Variants in CDK11A observed in about 807,000 individuals in gnomAD.
CDK11A encodes the protein cyclin-dependent kinase 11A.
Under a neutral mutation model 83.6 loss-of-function variants are expected in CDK11A, and 55 were observed. The ratio of observed to expected loss-of-function variants is 0.66; its 90% CI spans 0.53 to 0.82. The LOEUF (loss-of-function observed/expected upper bound fraction) is 0.82, where lower values mean the gene tolerates loss of function less well. Ranked by LOEUF, CDK11A falls within the 40% of genes least tolerant of loss-of-function variation. CDK11A has a pLI of 0.00. For synonymous variants in CDK11A, 247 were observed against 302.7 expected (o/e 0.82, Z 1.91); for missense variants, 564 against 810.1 (o/e 0.70, Z 3.69).
intron 6 of CDK11A, among the ~76,000 whole-genome samples, chr1:1,710,660 T>C (rs1391828343): frequency 6.6e-6 from 1 of 150,600 alleles, no homozygotes; most frequent in African/African-American, 2.4e-5. Context: ...CACCTGACGG[T>C]AGATGTCCCA....
chr1:1,721,619 T>C lies in CDK11A; in HGVS notation c.204A>G (p.Arg68=), dbSNP rs1464878077. ...ACCTGTCTTCCATTGAGTCTTCTCT[T>C]CTATACGGGGAGTTCCTTATTGTGA... is the stretch of plus-strand genomic sequence containing the variant. ...MEITIRNSPY[R]REDSMEDRGE... Residue 68 remains arginine (R), a synonymous_variant, in exon 3 of 20, where the codon AGA becomes AGG. Transcript: ENST00000404249. 2 of 1,607,526 alleles carry C rather than the reference T, an allele frequency of 1.2e-6. No individual in the cohort carries two copies. Among genetic ancestry groups the C allele is most frequent in the South Asian group, 1.1e-5 (1 of 90,698 alleles).
Position 1,703,622 on chromosome 1 carries a change from C to T in CDK11A, c.1914G>A (p.Glu638=), listed in dbSNP as rs1136980. Residue 638 remains glutamate (E), a splice_region_variant and synonymous_variant, in exon 18 of 20, where the codon GAG becomes GAA. Transcript: ENST00000404249. Reference sequence around the variant, plus strand: ...AGATTTTCTCACTGGGGGTCCCCAGCTCCTGAAAGACAGAGGTGCTTCAAC... The same window carrying T: ...AGATTTTCTCACTGGGGGTCCCCAGTTCCTGAAAGACAGAGGTGCTTCAAC... ...EIDQINKVFK[E]LGTPSEKIWP... is the part of the protein sequence containing the mutation. 1.9e-6 allele frequency: 3 copies of T among 1,595,150 alleles called. No individual in the cohort carries two copies. The highest frequency in any genetic ancestry group is 2.3e-5 in the South Asian group (2 of 88,578).
rs1644511232 is a variant in CDK11A at position 1,712,350 on chromosome 1, C to T, written c.539G>A (p.Arg180Gln). The change falls in exon 6 of 20, where the codon CGG becomes CAG. Residue 180 changes from arginine (R) to glutamine (Q), a missense_variant. Physicochemically the swap from Arg to Gln is conservative, Grantham distance 43. Transcript: ENST00000404249. ...ERKRERERKM[R>Q]EQQKEQREQK... The stretch of plus-strand genomic sequence containing the variant: ...CTCCCGCTGCTCCTTCTGCTGCTCC[C>T]GCATCTTGCGCTCCCGCTCCCGCTT... 7.6e-6 allele frequency: 12 copies of T among 1,584,792 alleles called. No homozygotes were observed. In the Admixed American group the frequency reaches 9.1e-5, roughly 12 times the overall value.
chr1:1,712,124 C>CT, intron 6 of CDK11A, 140 bp downstream of exon 6: 1 of 524,886 alleles, frequency 1.9e-6, no homozygotes, highest in East Asian at 3.1e-5. Context: ...GAGCAAAACT[C>CT]TGCCTCCAAA....
At chr1:1,717,049 C>G (rs1265145972) in intron 4 of CDK11A, among the ~76,000 whole-genome samples, 1 of 125,118 alleles carries the variant, frequency 8.0e-6, no homozygotes, top group African/African-American at 2.7e-5. Context: ...GGCCACTGCA[C>G]CCAGTCGAAT....
At chr1:1,717,561 G>A (rs1429228325) in intron 4 of CDK11A, among the ~76,000 whole-genome samples, 1 of 151,160 alleles carries the variant, frequency 6.6e-6, no homozygotes, top group East Asian at 1.9e-4. Flanking sequence ...AAACCCCAGA[G>A]GAAAAATGGA....
intron 1 of CDK11A, chr1:1,723,774 C>T (rs1276240350): frequency 1.5e-5 from 2 of 132,488 alleles, no homozygotes; most frequent in Admixed American, 1.6e-4. Flanking sequence ...TTCAGTCTTC[C>T]GTACAACCAG....
At chr1:1,713,560 CATG>C (rs1298460342) in intron 5 of CDK11A, among the ~76,000 whole-genome samples, 2 of 107,170 alleles carry the variant, frequency 1.9e-5, no homozygotes, top group Non-Finnish European at 4.3e-5. Context: ...CCATATGCCT[CATG>C]ATACTAGCTC....
rs80225745 is a variant in CDK11A at position 1,721,301 on chromosome 1, C to T, written c.227+295G>A. 8.6e-3 allele frequency among the ~76,000 whole-genome samples: 1,294 copies of T among 150,264 alleles called. 56 individuals carry two copies. The highest frequency in any genetic ancestry group is 0.031 in the African/African-American group (1,253 of 40,732). The stretch of plus-strand genomic sequence containing the variant: ...CCTTAATAGTTACAATAGCACACCC[C>T]GTCACGTAACCCTAGGGAAGAGTAA... On this transcript the variant is annotated intron_variant, in intron 3 of 19. Coordinates refer to ENST00000404249, the MANE Select transcript of CDK11A (RefSeq NM_024011.4).
At position 1,707,554 on chromosome 1, in the gene CDK11A, C is replaced by A. The variant is rs1353328925; in HGVS notation, c.1100G>T (p.Gly367Val). 6.3e-7 allele frequency: 1 copy of A among 1,592,770 alleles called. No individual in the cohort carries two copies. Among genetic ancestry groups the A allele is most frequent in the South Asian group, 1.1e-5 (1 of 89,608 alleles). ...TTCTTCCTCTGCTTCTTCACTCTCC[C>A]CGGAATCTCGGTCGAACCGTGACTC... is the stretch of plus-strand genomic sequence containing the variant. ...VPESRFDRDS[G>V]ESEEAEEEVG... is the part of the protein sequence containing the mutation. Residue 367 changes from glycine to valine, a missense_variant, in exon 11 of 20, where the codon GGG becomes GTG. Transcript: ENST00000404249.
chr1:1,720,071 A>G (rs1316514770), intron 3 of CDK11A, among the ~76,000 whole-genome samples: 2 of 150,474 alleles, frequency 1.3e-5, no homozygotes, highest in Admixed American at 6.7e-5. Flanking sequence ...ATCACATCTT[A>G]TTTATTTAAT....
rs374107288 is a variant in CDK11A, at chr1:1,704,162, G to C, written c.1687-16C>G. On this transcript the variant is annotated splice_polypyrimidine_tract_variant and intron_variant, in intron 15 of 19. Transcript: ENST00000404249. The stretch of plus-strand genomic sequence containing the variant: ...AATCACCCACCTGCAACGACAGATG[G>C]GCGGCTGTGGGTGGGCCTGGGCGGG... The C allele has an allele frequency of 6.2e-7, 1 of 1,607,166 alleles. No individual in the cohort carries two copies. The highest frequency in any genetic ancestry group is 1.7e-5 in the Admixed American group (1 of 59,742).
In CDK11A at chr1:1,703,637, G is replaced by A; in HGVS notation, c.1912-13C>T. ...GGGTCCCCAGCTCCTGAAAGACAGA[G>A]GTGCTTCAACAGCCACACCAAGTGG... is the stretch of plus-strand genomic sequence containing the variant. On this transcript the variant is annotated splice_polypyrimidine_tract_variant and intron_variant, in intron 17 of 19. Transcript: ENST00000404249. 1.9e-6 allele frequency: 3 copies of A among 1,590,982 alleles called. 1 individual carries two copies. Among genetic ancestry groups the A allele is most frequent in the Non-Finnish European group, 2.6e-6 (3 of 1,169,896 alleles).
Position 1,717,614 on chromosome 1 carries a change from TA to T in CDK11A, c.356-1137del, listed in dbSNP as rs1644717275. Among the ~76,000 whole-genome samples, 5 of 41,744 alleles carry T rather than the reference TA, an allele frequency of 1.2e-4. No individual in the cohort carries two copies. In the Admixed American group the frequency reaches 1.7e-3, roughly 14 times the overall value. 27.4% of individuals were successfully genotyped at this position (41,744 alleles called of 152,430 possible). On this transcript the variant is annotated intron_variant, in intron 4 of 19. Transcript: ENST00000404249. ...TCTGTGACACACGCACGCTTTCAGC[TA>T]GAGTTTGCTCTCTCTGGTTTTCGGT...
chr1:1,718,863 C>T lies in CDK11A; in HGVS notation c.355+465G>A, dbSNP rs548550005. 9.3e-5 allele frequency among the ~76,000 whole-genome samples: 14 copies of T among 150,918 alleles called. No homozygotes were observed. In the South Asian group the frequency reaches 2.9e-3, roughly 32 times the overall value. ...GTGTTAGCCAGGATGGTCTTGATCT[C>T]CTGACCTTGTGATCCACCCGCCTCA... On this transcript the variant is annotated intron_variant, in intron 4 of 19. Coordinates refer to ENST00000404249, the MANE Select transcript of CDK11A (RefSeq NM_024011.4).
chr1:1,723,728 T>C (rs950926888), intron 1 of CDK11A: 10 of 127,938 alleles, frequency 7.8e-5, no homozygotes, highest in African/African-American at 3.0e-4. Context: ...GTTTCTGTCA[T>C]TCTTGTATGG....
chr1:1,723,514 A>C lies in CDK11A; in HGVS notation c.-13-683T>G, dbSNP rs2056977. Among the ~76,000 whole-genome samples the C allele has an allele frequency of 6.1e-3, 259 of 42,632 alleles. 13 individuals carry two copies. The highest frequency in any genetic ancestry group is 0.013 in the African/African-American group (252 of 18,932). 28.0% of individuals were successfully genotyped at this position (42,632 alleles called of 152,430 possible). A position where few individuals can be genotyped will look rare whatever the true frequency, so the allele number is the denominator to read the frequency against. On this transcript the variant is annotated intron_variant, in intron 1 of 19. Coordinates refer to ENST00000404249, the MANE Select transcript of CDK11A (RefSeq NM_024011.4). The stretch of plus-strand genomic sequence containing the variant: ...AAAAAAAAAAAAAAAAAAAAAAAAA[A>C]AAAAAAAAACAAGAATGATAAGTTG...
At chr1:1,722,624 G>A in intron 2 of CDK11A, 84 bp downstream of exon 2, 1 of 629,146 alleles carries the variant, frequency 1.6e-6, no homozygotes, top group Non-Finnish European at 2.8e-6. Flanking sequence ...CTTCACCGAA[G>A]AAGCGTTGTT....
In CDK11A at chr1:1,702,887, G is replaced by A; in HGVS notation, c.*20C>T. The A allele has an allele frequency of 4.7e-6, 2 of 423,874 alleles. No individual in the cohort carries two copies. The highest frequency in any genetic ancestry group is 7.1e-5 in the East Asian group (2 of 28,250). The allele number at this position is 423,874 out of a possible 1,614,324, so 26.3% of individuals were successfully genotyped here. A position where few individuals can be genotyped will look rare whatever the true frequency, so the allele number is the denominator to read the frequency against. ...GTGGTCCCGGCTGAGTTCTCCCCAT[G>A]ACGGGGTCCACTCTGACCTTCAGAA... is the stretch of plus-strand genomic sequence containing the variant. On this transcript the variant is annotated 3_prime_UTR_variant, in exon 20 of 20. Coordinates refer to ENST00000404249, the MANE Select transcript of CDK11A (RefSeq NM_024011.4).
Sources: gnomAD v4.1 joint callset for allele counts (sites outside exome capture counted in the v4.1 genomes callset) on GRCh38, gnomAD v4.1.1 for gene constraint, MANE v1.5 for transcripts, NCBI Gene and HGNC (gene_info 2026-07-23, HGNC 2026-07-21) for gene names.